Variants in TGIF1 observed in about 807,000 individuals in gnomAD.
The protein encoded by TGIF1 is homeobox protein TGIF1.
Under a neutral mutation model 19.3 loss-of-function variants are expected in TGIF1, and 4 were observed. The observed-to-expected ratio is 0.21, with a 90% CI of 0.10 to 0.47. The LOEUF (loss-of-function observed/expected upper bound fraction) is 0.47, where lower values mean the gene tolerates loss of function less well. TGIF1 is among the 20% of genes least tolerant of loss of function. The probability of loss-of-function intolerance (pLI) is 0.98; values close to 1 mark genes in which losing one functional copy is unlikely to be tolerated. For missense variants in TGIF1, 275 were observed against 341.4 expected (o/e 0.81, Z 1.53); for synonymous variants, 122 against 129.3 (o/e 0.94, Z 0.38).
chr18:3,450,803 A>C (rs1032319983), intron 1 of TGIF1, among the ~76,000 whole-genome samples: 4 of 152,070 alleles, frequency 2.6e-5, no homozygotes, highest in African/African-American at 9.7e-5. Context: ...CCGACACCCC[A>C]CGCTCGGCCC....
In TGIF1 at chr18:3,429,459, C is replaced by CA. The variant is rs74270573; in HGVS notation, c.-45+11255dup. 3.3e-3 allele frequency among the ~76,000 whole-genome samples: 446 copies of CA among 134,978 alleles called. 1 individual carries two copies. The highest frequency in any genetic ancestry group is 7.2e-3 in the Middle Eastern group (2 of 276). 88.6% of individuals were successfully genotyped at this position (134,978 alleles called of 152,430 possible). ...AGTGAAGTAAGCCTAACATTCCAAG[C>CA]AAAAAAAAAAATGGATAGTAAATGT... On this transcript the variant is annotated intron_variant, in intron 2 of 3. Transcript: ENST00000401449.
intron 2 of TGIF1, among the ~76,000 whole-genome samples, chr18:3,443,058 A>G (rs1420747023): frequency 2.0e-5 from 3 of 152,186 alleles, no homozygotes; most frequent in Non-Finnish European, 4.4e-5. Context: ...AGAAACTCCT[A>G]CAGATATGCT....
chr18:3,439,541 C>T (rs1215603787), intron 2 of TGIF1, among the ~76,000 whole-genome samples: 2 of 151,958 alleles, frequency 1.3e-5, no homozygotes, highest in African/African-American at 4.8e-5. Context: ...TGGGATTTCT[C>T]CATTTTGGTC....
chr18:3,448,075 G>GC, upstream of TGIF1: 2 of 978,888 alleles, frequency 2.0e-6, no homozygotes, highest in Non-Finnish European at 2.4e-6. Context: ...AAAGCGGGCG[G>GC]GGGGGGAGGT....
At chr18:3,423,417 C>T (rs767961565) in intron 2 of TGIF1, among the ~76,000 whole-genome samples, 10 of 152,072 alleles carry the variant, frequency 6.6e-5, no homozygotes, top group South Asian at 4.1e-4. Flanking sequence ...CAGTGGCTCA[C>T]GCTTGTAATC....
upstream of TGIF1, chr18:3,448,109 G>C: frequency 1.0e-6 from 1 of 984,038 alleles, no homozygotes; most frequent in South Asian, 4.7e-5. Context: ...CCGAAGGCGT[G>C]TTTTGTGGAG....
At chr18:3,424,424 A>G (rs1366187452) in intron 2 of TGIF1, among the ~76,000 whole-genome samples, 1 of 152,208 alleles carries the variant, frequency 6.6e-6, no homozygotes, top group Non-Finnish European at 1.5e-5. Flanking sequence ...GAAACAGGAA[A>G]TAGAGAAGCC....
At chr18:3,448,996 T>A (rs1043534481), upstream of TGIF1, among the ~76,000 whole-genome samples, 3 of 152,000 alleles carry the variant, frequency 2.0e-5, no homozygotes, top group African/African-American at 7.3e-5. Flanking sequence ...GAAGTCTCAT[T>A]GTGTGGCATG....
chr18:3,452,346 C>T, intron 1 of TGIF1: 1 of 1,613,324 alleles, frequency 6.2e-7, no homozygotes, highest in South Asian at 1.1e-5. Context: ...CGCACAGGGT[C>T]CAGCTCCTCG....
upstream of TGIF1, chr18:3,449,949 C>G (rs540157813): frequency 1.0e-6 from 1 of 986,572 alleles, no homozygotes; most frequent in South Asian, 4.6e-5. Context: ...GCGGGCGGTC[C>G]GTGCGCGGCA....
intron 2 of TGIF1, among the ~76,000 whole-genome samples, chr18:3,441,836 T>G (rs933291059): frequency 6.6e-5 from 10 of 152,208 alleles, no homozygotes; most frequent in African/African-American, 2.4e-4. Context: ...TATTGTTTCT[T>G]CTTTATTATT....
intron 2 of TGIF1, among the ~76,000 whole-genome samples, chr18:3,429,861 T>C (rs899276783): frequency 3.9e-5 from 6 of 152,218 alleles, no homozygotes; most frequent in South Asian, 2.1e-4. Flanking sequence ...CACAATTACC[T>C]GAAAAGGCTG....
chr18:3,432,987 G>A (rs1282578605), intron 2 of TGIF1, among the ~76,000 whole-genome samples: 3 of 152,070 alleles, frequency 2.0e-5, no homozygotes, highest in Non-Finnish European at 4.4e-5. Flanking sequence ...TCGAACTCCC[G>A]ACCTCAGGTC....
Position 3,458,349 on chromosome 18 carries a change from A to C in TGIF1, c.*409A>C. On this transcript the variant is annotated 3_prime_UTR_variant, in exon 3 of 3. Transcript: ENST00000343820. ...TAAATTTTCCATTTTTTTTCAAACA[A>C]GTATGAATCTAGTTGGTTGATGCCT... 1 of 170,514 alleles carries C rather than the reference A, an allele frequency of 5.9e-6. No homozygotes were observed. Among genetic ancestry groups the C allele is most frequent in the South Asian group, 1.4e-4 (1 of 7,278 alleles). 10.6% of individuals were successfully genotyped at this position (170,514 alleles called of 1,614,324 possible).
At chr18:3,450,112 C>T (rs2082854715), upstream of TGIF1, 1 of 838,110 alleles carries the variant, frequency 1.2e-6, no homozygotes, top group Non-Finnish European at 1.5e-6. Flanking sequence ...GGGAGGGGGA[C>T]GGGGCGGGCG....
intron 2 of TGIF1, among the ~76,000 whole-genome samples, chr18:3,427,797 G>A (rs781596146): frequency 6.6e-6 from 1 of 151,586 alleles, no homozygotes; most frequent in Non-Finnish European, 1.5e-5. Context: ...ACAGGATTTC[G>A]ACATGTTGGC....
chr18:3,435,397 G>T (rs775549122), intron 2 of TGIF1, among the ~76,000 whole-genome samples: 2 of 151,834 alleles, frequency 1.3e-5, no homozygotes, highest in African/African-American at 4.8e-5. Flanking sequence ...GGGTTTCACC[G>T]GTGTTGCCCA....
At chr18:3,422,687 T>TTTTTG (rs1568029568) in intron 2 of TGIF1, among the ~76,000 whole-genome samples, 104 of 104,240 alleles carry the variant, frequency 1.0e-3, no homozygotes, top group African/African-American at 3.9e-3. Context: ...TTTTTTTTTT[T>TTTTTG]TTTTTTTTTT....
At chr18:3,422,032 A>G (rs962148924) in intron 2 of TGIF1, among the ~76,000 whole-genome samples, 1 of 151,954 alleles carries the variant, frequency 6.6e-6, no homozygotes, top group Admixed American at 6.6e-5. Context: ...CGTCTCTACT[A>G]AAAATACAAA....
Sources: gnomAD v4.1 joint callset for allele counts (sites outside exome capture counted in the v4.1 genomes callset) on GRCh38, gnomAD v4.1.1 for gene constraint, MANE v1.5 for transcripts, NCBI Gene and HGNC (gene_info 2026-07-23, HGNC 2026-07-21) for gene names.